The following NXPE1 variants were observed in gnomAD, a reference collection of about 807,000 sequenced individuals.
The protein encoded by NXPE1 is neurexophilin and PC-esterase domain family member 1.
NXPE1 carries 31 observed loss-of-function variants against 33.3 expected under a neutral mutation model. The ratio of observed to expected loss-of-function variants is 0.93; its 90% CI spans 0.70 to 1.26. NXPE1 has a LOEUF of 1.26. Among genes scored for constraint, NXPE1 ranks in the 50% most tolerant of loss-of-function variants. The pLI is 0.00. For missense variants in NXPE1, 661 were observed against 655.6 expected (o/e 1.01, Z -0.09); for synonymous variants, 229 against 231.4 (o/e 0.99, Z 0.09).
At chr11:114,530,956 C>A (rs779139228) in intron 5 of NXPE1, 48 bp from the exon 6 acceptor site, 10 of 1,492,836 alleles carry the variant, frequency 6.7e-6, no homozygotes, top group South Asian at 1.4e-5. Flanking sequence ...CCTGTCTAAT[C>A]ATTTTTACTT....
At chr11:114,550,116 T>A (rs557215960) in intron 5 of NXPE1, among the ~76,000 whole-genome samples, 1 of 152,238 alleles carries the variant, frequency 6.6e-6, no homozygotes, top group African/African-American at 2.4e-5. Context: ...AAACTTAACA[T>A]CATAAGGATG....
At chr11:114,531,961 T>C (rs1947601998) in intron 5 of NXPE1, among the ~76,000 whole-genome samples, 1 of 152,238 alleles carries the variant, frequency 6.6e-6, no homozygotes, top group Non-Finnish European at 1.5e-5. Flanking sequence ...CTAGATCAGC[T>C]GATTCATAAT....
intron 7 of NXPE1, among the ~76,000 whole-genome samples, chr11:114,524,359 T>A (rs566239350): frequency 6.6e-6 from 1 of 152,368 alleles, no homozygotes; most frequent in South Asian, 2.1e-4. Context: ...GCTTAGTTCC[T>A]CAGAGGCCTT....
intron 5 of NXPE1, among the ~76,000 whole-genome samples, chr11:114,536,497 G>T (rs188913633): frequency 1.8e-4 from 28 of 152,212 alleles, no homozygotes; most frequent in Admixed American, 1.8e-3. Context: ...CCAGGAGCTG[G>T]TTTTTTGAAA....
chr11:114,537,467 A>G (rs1224998377), intron 5 of NXPE1, among the ~76,000 whole-genome samples: 1 of 152,204 alleles, frequency 6.6e-6, no homozygotes, highest in East Asian at 1.9e-4. Context: ...AGGGCATTCA[A>G]TTAGGAAAAG....
At chr11:114,531,642 C>T (rs1024001407) in intron 5 of NXPE1, among the ~76,000 whole-genome samples, 1 of 152,158 alleles carries the variant, frequency 6.6e-6, no homozygotes, top group Admixed American at 6.5e-5. Flanking sequence ...TTGCTACTCT[C>T]TTCCTTGCTT....
chr11:114,554,630 C>T (rs759203919), intron 1 of NXPE1, among the ~76,000 whole-genome samples: 1 of 152,102 alleles, frequency 6.6e-6, no homozygotes, highest in South Asian at 2.1e-4. Context: ...CTTATATTTA[C>T]AGTAATTTCA....
intron 5 of NXPE1, among the ~76,000 whole-genome samples, chr11:114,540,807 C>T (rs563511050): frequency 7.8e-6 from 1 of 128,146 alleles, no homozygotes; most frequent in African/African-American, 2.9e-5. Flanking sequence ...AGTCTACTAG[C>T]AGAGTAGCTA....
At chr11:114,543,786 G>A (rs2135065787) in intron 5 of NXPE1, among the ~76,000 whole-genome samples, 1 of 152,182 alleles carries the variant, frequency 6.6e-6, no homozygotes, top group East Asian at 1.9e-4. Context: ...AAAGGAAAAA[G>A]TAAAGCTGTT....
intron 5 of NXPE1, among the ~76,000 whole-genome samples, chr11:114,541,856 C>T (rs1230505855): frequency 6.6e-6 from 1 of 152,168 alleles, no homozygotes; most frequent in Non-Finnish European, 1.5e-5. Flanking sequence ...AAATATATCT[C>T]TTAATTCACT....
At chr11:114,519,299 T>G (rs1265703955), downstream of NXPE1, among the ~76,000 whole-genome samples, 1 of 152,220 alleles carries the variant, frequency 6.6e-6, no homozygotes. Context: ...CACTATCATA[T>G]GCTGTTCTCT....
chr11:114,555,729 C>T (rs751545878), intron 1 of NXPE1, among the ~76,000 whole-genome samples: 5 of 152,262 alleles, frequency 3.3e-5, no homozygotes, highest in Non-Finnish European at 5.9e-5. Context: ...GTTTTTGGCA[C>T]TACAGATGAG....
intron 5 of NXPE1, among the ~76,000 whole-genome samples, chr11:114,542,542 C>T (rs368897359): frequency 3.3e-5 from 5 of 152,172 alleles, no homozygotes; most frequent in Admixed American, 1.3e-4. Flanking sequence ...AATGTAGATA[C>T]AGTACAACTA....
chr11:114,537,045 A>T lies in NXPE1; in HGVS notation c.100-6137T>A, dbSNP rs892579715. On this transcript the variant is annotated intron_variant, in intron 5 of 8. Transcript: ENST00000534921. ...AAAAATCCGCAATAAAATACTGGCA[A>T]ACCGAATCCAGCAACACATCAAAAA... is the stretch of plus-strand genomic sequence containing the variant. Among the ~76,000 whole-genome samples the T allele has an allele frequency of 2.0e-5, 3 of 152,328 alleles. No homozygotes were observed. The East Asian group carries it at 5.8e-4, about 29-fold the overall frequency.
chr11:114,538,145 C>G (rs1194157640), intron 5 of NXPE1, among the ~76,000 whole-genome samples: 2 of 152,142 alleles, frequency 1.3e-5, no homozygotes, highest in Non-Finnish European at 2.9e-5. Context: ...ACTATCTGAT[C>G]TTTGACAAAC....
chr11:114,542,742 C>T (rs975853599), intron 5 of NXPE1, among the ~76,000 whole-genome samples: 2 of 151,438 alleles, frequency 1.3e-5, no homozygotes, highest in Non-Finnish European at 2.9e-5. Context: ...AGTCATTTAC[C>T]AAGAAAAAAG....
intron 1 of NXPE1, among the ~76,000 whole-genome samples, chr11:114,557,827 A>G (rs1420077515): frequency 6.6e-6 from 1 of 151,812 alleles, no homozygotes; most frequent in Non-Finnish European, 1.5e-5. Flanking sequence ...TCTCAAGGTT[A>G]CATTTTAAAA....
At chr11:114,527,500 G>C (rs1947406333) in intron 7 of NXPE1, among the ~76,000 whole-genome samples, 1 of 152,160 alleles carries the variant, frequency 6.6e-6, no homozygotes, top group Non-Finnish European at 1.5e-5. Flanking sequence ...TGCCAACAGA[G>C]AGTTAGGAAA....
exon 6 of NXPE1, chr11:114,530,367 G>C (rs759634263): frequency 5.0e-6 from 8 of 1,614,208 alleles, no homozygotes; most frequent in Non-Finnish European, 6.8e-6. Flanking sequence ...GAAGACATGA[G>C]AGGTGCCATT....
Sources: allele counts gnomAD v4.1 joint callset (sites outside exome capture counted in the v4.1 genomes callset), GRCh38; gene constraint gnomAD v4.1.1; transcripts MANE v1.5; gene names NCBI Gene and HGNC (gene_info 2026-07-23, HGNC 2026-07-21).